CA5B: variants seen among roughly 807,000 people sequenced by gnomAD.
CA5B encodes carbonic anhydrase 5B, mitochondrial.
CA5B carries 15 observed loss-of-function variants against 23.1 expected under a neutral mutation model. The ratio of observed to expected loss-of-function variants is 0.65; its 90% confidence interval spans 0.43 to 1.00. The LOEUF (loss-of-function observed/expected upper bound fraction) is 1.00. Ranked by LOEUF, CA5B falls within the 50% of genes least tolerant of loss-of-function variation. The pLI is 0.00. For missense variants in CA5B, 236 were observed against 252.2 expected, an observed-to-expected ratio of 0.94 and a Z score of 0.43; for synonymous variants, 84 against 98.5, an observed-to-expected ratio of 0.85 and a Z score of 0.87.
At chrX:15,774,526 A>G (rs1018529403) in intron 5 of CA5B, 129 bp downstream of exon 5, 104 of 845,191 alleles carry the variant, frequency 1.2e-4, no homozygotes, top group Middle Eastern at 3.8e-4. Context: ...TGCTTGAAGT[A>G]CAGGATTGTT....
intron 4 of CA5B, 139 bp downstream of exon 4, chrX:15,772,753 A>G (rs1365500395): frequency 2.6e-6 from 1 of 390,886 alleles, no homozygotes; most frequent in Non-Finnish European, 4.5e-6. Context: ...GATCATTCTC[A>G]GCTAAGACAT....
intron 1 of CA5B, among the ~76,000 whole-genome samples, chrX:15,749,587 G>C (rs1330264816): frequency 9.0e-6 from 1 of 110,659 alleles, no homozygotes; most frequent in South Asian, 3.8e-4. Context: ...TTTAATGTTG[G>C]GGTTCTTCGT....
At position 15,768,383 on chromosome X, in the gene CA5B, G is replaced by A. The variant is rs182916258; in HGVS notation, c.340+3608G>A. On this transcript the variant is annotated intron_variant, in intron 3 of 7. Transcript: ENST00000318636. ...AGTCATCAACGTTTTTGTCATAATA[G>A]CTTCTTTTTAGATACCTACAAACCC... Among the ~76,000 whole-genome samples the A allele has an allele frequency of 5.4e-5, 6 of 111,146 alleles. No individual in the cohort carries two copies. In the Admixed American group the frequency reaches 5.8e-4, roughly 11 times the overall value.
In CA5B at chrX:15,784,419, CTTTTG is replaced by C. The variant is rs1200712346; in HGVS notation, c.*1758_*1762del. 1 of 111,856 alleles carries C rather than the reference CTTTTG, an allele frequency of 8.9e-6. No individual in the cohort carries two copies. Among genetic ancestry groups the C allele is most frequent in the Non-Finnish European group, 1.9e-5 (1 of 53,213 alleles). 9.2% of individuals were successfully genotyped at this position (111,856 alleles called of 1,213,427 possible). ...TCAGTTTATACAGTGGTTTAAAAGACTTTTGTTATGGTAATAGGGAGAGAAACTTG... is the reference window on the plus strand; with the variant it reads ...TCAGTTTATACAGTGGTTTAAAAGACTTATGGTAATAGGGAGAGAAACTTG... On this transcript the variant is annotated 3_prime_UTR_variant, in exon 8 of 8. Coordinates refer to ENST00000318636, the MANE Select transcript of CA5B (RefSeq NM_007220.4).
Position 15,763,472 on chromosome X carries a change from G to A in CA5B, c.143-1106G>A, listed in dbSNP as rs762299300. On this transcript the variant is annotated intron_variant, in intron 2 of 7. Transcript: ENST00000318636. ...TTATATTGTGATCACAGCACTGATT[G>A]CACTTGGTTTAGGTGAGCTTAGTAA... 7.1e-5 allele frequency among the ~76,000 whole-genome samples: 8 copies of A among 112,405 alleles called. No homozygotes were observed. The South Asian group carries it at 1.5e-3, about 21-fold the overall frequency.
rs192889071 is a variant in CA5B at position 15,774,527 on chromosome X, C to T, written c.555+130C>T. The T allele has an allele frequency of 4.1e-3, 3,491 of 843,461 alleles. 15 individuals carry two copies. The highest frequency in any genetic ancestry group is 4.6e-3 in the Non-Finnish European group (2,837 of 615,370). The allele number at this position is 843,461 out of a possible 1,213,427, so 69.5% of individuals were successfully genotyped here. ...GGTAAGATAAATAGTGCTTGAAGTA[C>T]AGGATTGTTAAGAATATATTTTAGG... On this transcript the variant is annotated intron_variant, in intron 5 of 7. Transcript: ENST00000318636.
Position 15,782,477 on chromosome X carries a change from A to G in CA5B, c.775-8A>G, listed in dbSNP as rs4830548. 409,909 of 1,189,926 alleles carry G rather than the reference A, an allele frequency of 0.34. 49,831 individuals carry two copies. The highest frequency in any genetic ancestry group is 0.47 in the Admixed American group (21,132 of 44,700). On this transcript the variant is annotated splice_polypyrimidine_tract_variant and splice_region_variant and intron_variant, in intron 7 of 7. Coordinates refer to ENST00000318636, the MANE Select transcript of CA5B (RefSeq NM_007220.4). ...GAAATTATTTATGCTTTCTGTTTCTATTTCTAGCTTGAGCAATTTCGGACC... is the reference window on the plus strand; with the variant it reads ...GAAATTATTTATGCTTTCTGTTTCTGTTTCTAGCTTGAGCAATTTCGGACC...
intron 2 of CA5B, among the ~76,000 whole-genome samples, chrX:15,764,172 A>G (rs1931657760): frequency 9.0e-6 from 1 of 111,172 alleles, no homozygotes; most frequent in South Asian, 3.8e-4. Context: ...AGTAACCATC[A>G]TAGTGGCTAA....
chrX:15,753,253 G>C (rs1371272267), intron 2 of CA5B, among the ~76,000 whole-genome samples: 1 of 112,654 alleles, frequency 8.9e-6, no homozygotes, highest in Non-Finnish European at 1.9e-5. Flanking sequence ...GGCCTAGAAA[G>C]GTAGGACATC....
At chrX:15,773,699 G>A (rs1027645765) in intron 4 of CA5B, among the ~76,000 whole-genome samples, 26 of 110,117 alleles carry the variant, frequency 2.4e-4, no homozygotes, top group South Asian at 1.6e-3. Flanking sequence ...GTGAGCCACC[G>A]CGCCCGGCCT....
At chrX:15,775,911 G>A (rs2147267949) in intron 6 of CA5B, 1 of 747,238 alleles carries the variant, frequency 1.3e-6, no homozygotes, top group South Asian at 6.9e-5. Context: ...TGACCTTCTG[G>A]TCCCTACCTC....
Position 15,772,633 on chromosome X carries a change from G to A in CA5B, c.459+19G>A, listed in dbSNP as rs748725732. The A allele has an allele frequency of 1.6e-5, 16 of 973,419 alleles. No individual in the cohort carries two copies. The highest frequency in any genetic ancestry group is 1.4e-4 in the Admixed American group (6 of 42,667). The allele number at this position is 973,419 out of a possible 1,213,427, so 80.2% of individuals were successfully genotyped here. On this transcript the variant is annotated intron_variant, in intron 4 of 7. Transcript: ENST00000318636. ...AGCAGAGGTATGTTGAGAAGGTCAG[G>A]AACAGTGACAACTGTAGAGAAGTGG...
chrX:15,764,933 C>A, intron 3 of CA5B, 158 bp downstream of exon 3: 2 of 920,703 alleles, frequency 2.2e-6, no homozygotes, highest in Non-Finnish European at 3.0e-6. Flanking sequence ...AAAAAAATTC[C>A]TTCTAGTTTT....
intron 2 of CA5B, among the ~76,000 whole-genome samples, chrX:15,752,556 T>C (rs773345989): frequency 1.8e-5 from 2 of 110,603 alleles, no homozygotes; most frequent in Admixed American, 9.7e-5. Context: ...AAACCCCGTC[T>C]CTACTAAAAA....
intron 1 of CA5B, among the ~76,000 whole-genome samples, chrX:15,743,664 C>T (rs973724796): frequency 2.2e-4 from 25 of 111,948 alleles, no homozygotes; most frequent in African/African-American, 7.8e-4. Flanking sequence ...CTGCTTTCTC[C>T]TGTACCCATG....
chrX:15,785,006 C>T lies in CA5B; in HGVS notation c.*2342C>T, dbSNP rs1932088885. 8.9e-6 allele frequency: 1 copy of T among 112,187 alleles called. No homozygotes were observed. The highest frequency in any genetic ancestry group is 3.7e-4 in the South Asian group (1 of 2,693). 9.2% of individuals were successfully genotyped at this position (112,187 alleles called of 1,213,427 possible). A position where few individuals can be genotyped will look rare whatever the true frequency, so the allele number is the denominator to read the frequency against. ...AAAACCACAATGAGATATCGTCTCA[C>T]GCCCATCATGATGGCCACTATCAGA... is the stretch of plus-strand genomic sequence containing the variant. On this transcript the variant is annotated 3_prime_UTR_variant, in exon 8 of 8. Coordinates refer to ENST00000318636, the MANE Select transcript of CA5B (RefSeq NM_007220.4).
rs1228393904 is a variant in CA5B at position 15,785,050 on chromosome X, G to A, written c.*2386G>A. On this transcript the variant is annotated 3_prime_UTR_variant, in exon 8 of 8. Coordinates refer to ENST00000318636, the MANE Select transcript of CA5B (RefSeq NM_007220.4). Reference sequence around the variant, plus strand: ...TATCAGAAGAACAAAAAAATAACAAGTATTGGGGAGGATGCAGAGAAGTTG... The same window carrying A: ...TATCAGAAGAACAAAAAAATAACAAATATTGGGGAGGATGCAGAGAAGTTG... 1 of 112,026 alleles carries A rather than the reference G, an allele frequency of 8.9e-6. No homozygotes were observed. The highest frequency in any genetic ancestry group is 3.2e-5 in the African/African-American group (1 of 30,801). 9.2% of individuals were successfully genotyped at this position (112,026 alleles called of 1,213,427 possible).
chrX:15,751,833 C>A (rs185601110), intron 2 of CA5B, among the ~76,000 whole-genome samples: 1 of 111,466 alleles, frequency 9.0e-6, no homozygotes, highest in East Asian at 2.8e-4. Flanking sequence ...CGAGCCGGTC[C>A]TGTTTCTATG....
At position 15,765,383 on chromosome X, in the gene CA5B, C is replaced by G. The variant is rs893176872; in HGVS notation, c.340+608C>G. 6 of 152,071 alleles carry G rather than the reference C, an allele frequency of 3.9e-5. No homozygotes were observed. The Admixed American group carries it at 5.8e-4, about 15-fold the overall frequency. 12.5% of individuals were successfully genotyped at this position (152,071 alleles called of 1,213,427 possible). A position where few individuals can be genotyped will look rare whatever the true frequency, so the allele number is the denominator to read the frequency against. ...TATTGATTTTGAATCTTTTTTTTCA[C>G]CTTCCTGGATGTAAACTAATGTGAA... On this transcript the variant is annotated intron_variant, in intron 3 of 7. Coordinates refer to ENST00000318636, the MANE Select transcript of CA5B (RefSeq NM_007220.4).
Sources: allele counts gnomAD v4.1 joint callset (sites outside exome capture counted in the v4.1 genomes callset), GRCh38; gene constraint gnomAD v4.1.1; transcripts MANE v1.5; gene names NCBI Gene and HGNC (gene_info 2026-07-23, HGNC 2026-07-21).